HAUS1: variants seen among roughly 807,000 people sequenced by gnomAD.
The protein encoded by HAUS1 is HAUS augmin like complex subunit 1, also known as HAUS augmin-like complex subunit 1.
A neutral mutation model predicts 38.6 loss-of-function variants in HAUS1; 25 were observed. The ratio of observed to expected loss-of-function variants is 0.65; its 90% CI spans 0.47 to 0.91. The LOEUF (loss-of-function observed/expected upper bound fraction) is 0.91. HAUS1 is among the 40% of genes least tolerant of loss of function. The probability of loss-of-function intolerance (pLI) is 0.00; values close to 1 mark genes in which losing one functional copy is unlikely to be tolerated. For missense variants in HAUS1, 325 were observed against 328.4 expected (o/e 0.99, Z 0.08); for synonymous variants, 109 against 112.9 (o/e 0.97, Z 0.22).
At position 46,125,623 on chromosome 18, in the gene HAUS1, A is replaced by G. The variant is rs1217067870; in HGVS notation, c.739-121A>G. On this transcript the variant is annotated intron_variant, in intron 7 of 8. Coordinates refer to ENST00000282058, the MANE Select transcript of HAUS1 (RefSeq NM_138443.4). ...AGTCAGTGGTAAATTTCAGTGTTAT[A>G]TGTACATTGGGTATCCCTCTGGGAG... 4.9e-6 allele frequency: 3 copies of G among 618,288 alleles called. No individual in the cohort carries two copies. The African/African-American group carries it at 5.6e-5, about 12-fold the overall frequency. 38.3% of individuals were successfully genotyped at this position (618,288 alleles called of 1,614,324 possible). A position where few individuals can be genotyped will look rare whatever the true frequency, so the allele number is the denominator to read the frequency against.
chr18:46,124,879 T>C lies in HAUS1; in HGVS notation c.724T>C (p.Leu242=), dbSNP rs1477187232. ...IPLKKKLESY[L]DLMPNPSLAQ... is the part of the protein sequence containing the mutation. The stretch of plus-strand genomic sequence containing the variant: ...TTTGAAGAAAAAATTGGAGTCCTAT[T>C]TAGACTTAATGCCGGTAATAATTTT... The change falls in exon 7 of 9, where the codon TTA becomes CTA. Residue 242 remains leucine, a synonymous_variant. Coordinates refer to ENST00000282058, the MANE Select transcript of HAUS1 (RefSeq NM_138443.4). 3 of 1,580,622 alleles carry C rather than the reference T, an allele frequency of 1.9e-6. No individual in the cohort carries two copies. The African/African-American group carries it at 4.0e-5, about 21-fold the overall frequency.
At chr18:46,124,138 G>GTTAATAAATTAC (rs1330404488) in intron 6 of HAUS1, among the ~76,000 whole-genome samples, 1 of 152,150 alleles carries the variant, frequency 6.6e-6, no homozygotes, top group Admixed American at 6.6e-5. Flanking sequence ...GGCCAGGCAT[G>GTTAATAAATTAC]GTGGCTCACA....
At chr18:46,121,876 C>G (rs1259537901) in intron 4 of HAUS1, among the ~76,000 whole-genome samples, 1 of 152,068 alleles carries the variant, frequency 6.6e-6, no homozygotes, top group Admixed American at 6.6e-5. Context: ...GAGTCTTACT[C>G]TGCCACCCAC....
chr18:46,125,164 G>A (rs1912064200), intron 7 of HAUS1, among the ~76,000 whole-genome samples: 2 of 151,664 alleles, frequency 1.3e-5, no homozygotes, highest in South Asian at 4.2e-4. Flanking sequence ...GGAGGCCGAG[G>A]CTGGAGAATC....
chr18:46,110,093 T>C (rs1296640817), intron 2 of HAUS1, among the ~76,000 whole-genome samples: 1 of 151,906 alleles, frequency 6.6e-6, no homozygotes, highest in Non-Finnish European at 1.5e-5. Context: ...TTCTTGTAAG[T>C]TGAGTCTGCT....
chr18:46,123,332 C>G lies in HAUS1; in HGVS notation c.634C>G (p.Leu212Val), dbSNP rs755453289. The change falls in exon 6 of 9, where the codon CTG becomes GTG. Residue 212 changes from leucine to valine, a missense_variant. Coordinates refer to ENST00000282058, the MANE Select transcript of HAUS1 (RefSeq NM_138443.4). ...QLSARGMDASLSHQSLVALSE... is the reference protein window; with the variant it reads ...QLSARGMDASVSHQSLVALSE... ...TTCAGCCAGAGGCATGGATGCTTCT[C>G]TGTCTCATCAGTCCTTAGTAGCACT... The G allele has an allele frequency of 6.2e-7, 1 of 1,612,638 alleles. No individual in the cohort carries two copies. The highest frequency in any genetic ancestry group is 8.5e-7 in the Non-Finnish European group (1 of 1,179,066).
chr18:46,115,105 A>T (rs913521720), intron 2 of HAUS1: 6 of 152,190 alleles, frequency 3.9e-5, no homozygotes, highest in African/African-American at 1.4e-4. Flanking sequence ...GGACAACTGG[A>T]TATCCATATG....
intron 2 of HAUS1, chr18:46,106,748 C>T (rs1482278564): frequency 1.3e-5 from 2 of 152,190 alleles, no homozygotes; most frequent in African/African-American, 4.8e-5. Context: ...GGTGCAGTGG[C>T]TCACGCCTGT....
chr18:46,125,890 G>A (rs1912090804), intron 8 of HAUS1, 99 bp downstream of exon 8: 4 of 746,308 alleles, frequency 5.4e-6, no homozygotes, highest in Non-Finnish European at 9.1e-6. Context: ...CTCCTCAGTG[G>A]TAAGCTGCAG....
intron 5 of HAUS1, among the ~76,000 whole-genome samples, chr18:46,122,879 A>G (rs1599817652): frequency 6.6e-6 from 1 of 152,164 alleles, no homozygotes; most frequent in South Asian, 2.1e-4. Context: ...ACAGTTTTTC[A>G]TTTATACTTG....
intron 2 of HAUS1, among the ~76,000 whole-genome samples, chr18:46,108,062 C>T (rs1405140920): frequency 6.6e-6 from 1 of 152,086 alleles, no homozygotes; most frequent in Non-Finnish European, 1.5e-5. Flanking sequence ...ATTCATTCTT[C>T]GTGCCACCTG....
chr18:46,104,756 C>G (rs1416941231), intron 1 of HAUS1, among the ~76,000 whole-genome samples: 1 of 142,912 alleles, frequency 7.0e-6, no homozygotes, highest in Non-Finnish European at 1.6e-5. Flanking sequence ...AGCCCGGCGG[C>G]TTCCACATCT....
chr18:46,117,552 G>A (rs1466771636), intron 2 of HAUS1, among the ~76,000 whole-genome samples: 1 of 152,164 alleles, frequency 6.6e-6, no homozygotes, highest in African/African-American at 2.4e-5. Flanking sequence ...AAGGGGGCCG[G>A]GTATGGTGGC....
At chr18:46,116,752 C>T (rs1275415681) in intron 2 of HAUS1, among the ~76,000 whole-genome samples, 1 of 152,060 alleles carries the variant, frequency 6.6e-6, no homozygotes, top group African/African-American at 2.4e-5. Flanking sequence ...GTGGCTCACG[C>T]CTGTAATCTC....
chr18:46,109,070 CA>C (rs58584750), intron 2 of HAUS1, among the ~76,000 whole-genome samples: 1,403 of 83,058 alleles, frequency 0.017, 23 homozygotes, highest in African/African-American at 0.041. Context: ...GACTCCGTCT[CA>C]AAAAAAAAAA....
At chr18:46,122,647 T>C in intron 5 of HAUS1, 57 bp downstream of exon 5, 1 of 1,587,950 alleles carries the variant, frequency 6.3e-7, no homozygotes, top group Non-Finnish European at 8.6e-7. Flanking sequence ...TTTACCATCA[T>C]CCTCACAGCT....
intron 2 of HAUS1, among the ~76,000 whole-genome samples, chr18:46,106,481 A>G (rs1356515334): frequency 6.6e-6 from 1 of 151,752 alleles, no homozygotes; most frequent in Non-Finnish European, 1.5e-5. Flanking sequence ...AAAAAAAAAA[A>G]GAAAAAAAGA....
At chr18:46,120,372 T>A (rs1167450533) in intron 4 of HAUS1, among the ~76,000 whole-genome samples, 1 of 150,022 alleles carries the variant, frequency 6.7e-6, no homozygotes, top group Non-Finnish European at 1.5e-5. Flanking sequence ...GTAGCTGGGA[T>A]TACAGGCATG....
In HAUS1 at chr18:46,124,893, G is replaced by A. The variant is rs760802716; in HGVS notation, c.738G>A (p.Pro246=). The change falls in exon 7 of 9, where the codon CCG becomes CCA. Residue 246 remains proline (P), a splice_region_variant and synonymous_variant. Transcript: ENST00000282058. The part of the protein sequence containing the change: ...KKLESYLDLM[P]NPSLAQVKIE... ...TGGAGTCCTATTTAGACTTAATGCCGGTAATAATTTTCGCGAATTAAAAAA... is the reference window on the plus strand; with the variant it reads ...TGGAGTCCTATTTAGACTTAATGCCAGTAATAATTTTCGCGAATTAAAAAA... 14 of 1,540,650 alleles carry A rather than the reference G, an allele frequency of 9.1e-6. No homozygotes were observed. The highest frequency in any genetic ancestry group is 2.2e-5 in the East Asian group (1 of 44,454).
Sources: gnomAD v4.1 joint callset for allele counts (sites outside exome capture counted in the v4.1 genomes callset) on GRCh38, gnomAD v4.1.1 for gene constraint, MANE v1.5 for transcripts, NCBI Gene and HGNC (gene_info 2026-07-23, HGNC 2026-07-21) for gene names.